Variants in DDX60 observed in about 807,000 individuals in gnomAD.
DDX60 encodes probable ATP-dependent RNA helicase DDX60.
A neutral mutation model predicts 212.8 loss-of-function variants in DDX60; 165 were observed. That is an observed-to-expected ratio of 0.78 (90% CI 0.68 to 0.88). The LOEUF (loss-of-function observed/expected upper bound fraction) is 0.88, where lower values mean the gene tolerates loss of function less well. DDX60 is among the 40% of genes least tolerant of loss of function. DDX60 has a pLI of 0.00. For synonymous variants in DDX60, 703 were observed against 685.3 expected, an observed-to-expected ratio of 1.03 and a Z score of -0.40; for missense variants, 1,905 against 2,003.9, an observed-to-expected ratio of 0.95 and a Z score of 0.94.
chr4:168,251,736 A>C lies in DDX60; in HGVS notation c.3706-630T>G, dbSNP rs142751771. ...AAAATGATGATCGAAATACATGGTT[A>C]TAAAAAATAAGACACCATGAAGCTT... On this transcript the variant is annotated intron_variant, in intron 27 of 37. Transcript: ENST00000393743. 2.3e-3 allele frequency among the ~76,000 whole-genome samples: 345 copies of C among 152,340 alleles called. 1 individual carries two copies. The highest frequency in any genetic ancestry group is 7.4e-3 in the African/African-American group (307 of 41,594).
At chr4:168,275,051 A>G (rs1579034314) in intron 16 of DDX60, among the ~76,000 whole-genome samples, 1 of 152,242 alleles carries the variant, frequency 6.6e-6, no homozygotes, top group South Asian at 2.1e-4. Flanking sequence ...CTATTGACAC[A>G]CGGAAAACCT....
intron 14 of DDX60, among the ~76,000 whole-genome samples, chr4:168,279,141 C>T (rs1395114023): frequency 6.6e-6 from 1 of 152,186 alleles, no homozygotes; most frequent in African/African-American, 2.4e-5. Context: ...AAGACATACA[C>T]TCTCAAAAAC....
At chr4:168,279,212 A>G (rs28481413) in intron 14 of DDX60, among the ~76,000 whole-genome samples, 1 of 152,078 alleles carries the variant, frequency 6.6e-6, no homozygotes, top group African/African-American at 2.4e-5. Context: ...AATGACAGCC[A>G]ACATTTTTAT....
At chr4:168,270,798 A>G (rs1454203962) in intron 19 of DDX60, among the ~76,000 whole-genome samples, 3 of 152,040 alleles carry the variant, frequency 2.0e-5, no homozygotes, top group African/African-American at 7.2e-5. Context: ...GTAAAATTCC[A>G]CAGAGTCAAA....
At chr4:168,217,786 C>T (rs548104203) in intron 37 of DDX60, among the ~76,000 whole-genome samples, 254 of 152,124 alleles carry the variant, frequency 1.7e-3, no homozygotes, top group African/African-American at 5.6e-3. Flanking sequence ...CAAGGAATGC[C>T]GGCAGCCTCT....
chr4:168,232,899 A>T (rs188952480), intron 33 of DDX60, among the ~76,000 whole-genome samples: 65 of 152,242 alleles, frequency 4.3e-4, no homozygotes, highest in Non-Finnish European at 7.5e-4. Flanking sequence ...CAGCAAAAGA[A>T]ATAATCAGCA....
intron 34 of DDX60, among the ~76,000 whole-genome samples, chr4:168,224,728 C>A (rs1405402681): frequency 1.3e-5 from 2 of 151,896 alleles, no homozygotes; most frequent in African/African-American, 2.4e-5. Flanking sequence ...CTCAGAATTG[C>A]CTTCAGAATC....
At chr4:168,284,387 T>C (rs1579048371) in intron 12 of DDX60, among the ~76,000 whole-genome samples, 2 of 152,286 alleles carry the variant, frequency 1.3e-5, no homozygotes, top group Non-Finnish European at 1.5e-5. Flanking sequence ...TCTCTGTTGA[T>C]CCACTGTTAG....
chr4:168,305,720 T>G (rs998791163), intron 5 of DDX60, among the ~76,000 whole-genome samples: 1 of 151,412 alleles, frequency 6.6e-6, no homozygotes, highest in Admixed American at 6.6e-5. Context: ...TTCAATACAA[T>G]AATTGTCAAA....
In DDX60 at chr4:168,272,095, G is replaced by T. The variant is rs765697042; in HGVS notation, c.2618C>A (p.Ala873Asp). The T allele has an allele frequency of 6.3e-7, 1 of 1,587,030 alleles. No homozygotes were observed. The change falls in exon 19 of 38, where the codon GCT (alanine) becomes GAT (aspartate). Residue 873 changes from alanine to aspartate, a missense_variant. Transcript: ENST00000393743. ...VPACFEILLL[A>D]PHRQNWVKKI... Reference sequence around the variant, plus strand: ...TTTCACCCAGTTTTGGCGATGAGGAGCAAGCAGCAGAATTTCAAAGCAGGC... The same window carrying T: ...TTTCACCCAGTTTTGGCGATGAGGATCAAGCAGCAGAATTTCAAAGCAGGC...
chr4:168,294,801 C>A (rs942478991), intron 6 of DDX60, among the ~76,000 whole-genome samples: 1 of 151,416 alleles, frequency 6.6e-6, no homozygotes, highest in African/African-American at 2.4e-5. Context: ...CGCGCCCAGC[C>A]AAACTATACA....
In DDX60 at chr4:168,280,453, T is replaced by C. The variant is rs754786556; in HGVS notation, c.1860A>G (p.Ile620Met). Residue 620 changes from isoleucine to methionine, a missense_variant, in exon 14 of 38, where the codon ATA becomes ATG. Physicochemically the swap from Ile to Met is conservative, Grantham distance 10 (BLOSUM62 1). Transcript: ENST00000393743. The stretch of plus-strand genomic sequence containing the variant: ...ATTTCAAAAAATCTTCCAGGCTCTT[T>C]ATTCCAGAGTGTAAATTTTCTTTCA... ...EQLKENLHSG[I>M]KSLEDFLKSC... The C allele has an allele frequency of 3.7e-5, 60 of 1,614,084 alleles. No homozygotes were observed. The highest frequency in any genetic ancestry group is 5.1e-5 in the Non-Finnish European group (60 of 1,180,028).
chr4:168,228,596 A>G (rs1487948445), intron 33 of DDX60, among the ~76,000 whole-genome samples: 1 of 152,122 alleles, frequency 6.6e-6, no homozygotes, highest in East Asian at 1.9e-4. Flanking sequence ...CCAAAATTTT[A>G]AAACATTTAA....
intron 32 of DDX60, 54 bp downstream of exon 32, chr4:168,237,232 T>A: frequency 8.1e-7 from 1 of 1,232,972 alleles, no homozygotes; most frequent in Non-Finnish European, 1.1e-6. Flanking sequence ...TCTACAAATC[T>A]GTTGCTATTT....
At chr4:168,288,475 T>C (rs1186775266) in intron 8 of DDX60, among the ~76,000 whole-genome samples, 160 bp from the exon 9 acceptor site, 1 of 152,174 alleles carries the variant, frequency 6.6e-6, no homozygotes, top group Non-Finnish European at 1.5e-5. Context: ...CTTTACACCT[T>C]AAGGAATTAA....
chr4:168,222,686 C>G (rs1402298184), intron 35 of DDX60, among the ~76,000 whole-genome samples: 1 of 152,048 alleles, frequency 6.6e-6, no homozygotes, highest in Non-Finnish European at 1.5e-5. Context: ...TTTGGCACAG[C>G]TACTTTTTAA....
At chr4:168,262,620 G>C in intron 23 of DDX60, 63 bp downstream of exon 23, 2 of 1,092,064 alleles carry the variant, frequency 1.8e-6, no homozygotes, top group Non-Finnish European at 2.7e-6. Flanking sequence ...TGATTAGAAA[G>C]GGTGAGAGTT....
At chr4:168,290,533 G>A (rs1736047930) in intron 8 of DDX60, among the ~76,000 whole-genome samples, 2 of 151,782 alleles carry the variant, frequency 1.3e-5, no homozygotes, top group Admixed American at 1.3e-4. Flanking sequence ...TAGAGACGGG[G>A]TTTCACCATG....
chr4:168,220,676 G>T lies in DDX60; in HGVS notation c.5018C>A (p.Ala1673Glu). ...GDAYYLLKDF[A>E]LTIKSISVSL... The stretch of plus-strand genomic sequence containing the variant: ...ACACCTGATAGATTTAATGGTGAGT[G>T]CAAAATCCTTCAACAAATAATAAGC... Residue 1673 changes from alanine to glutamate, a missense_variant, in exon 37 of 38, where the codon GCA becomes GAA. Physicochemically the swap from Ala to Glu is moderately radical, Grantham distance 107 (BLOSUM62 -1). Coordinates refer to ENST00000393743, the MANE Select transcript of DDX60 (RefSeq NM_017631.6). The T allele has an allele frequency of 6.8e-7, 1 of 1,462,640 alleles. No individual in the cohort carries two copies. The highest frequency in any genetic ancestry group is 9.1e-7 in the Non-Finnish European group (1 of 1,102,348). 90.6% of individuals were successfully genotyped at this position (1,462,640 alleles called of 1,614,324 possible).
Sources: allele counts gnomAD v4.1 joint callset (sites outside exome capture counted in the v4.1 genomes callset), GRCh38; gene constraint gnomAD v4.1.1; transcripts MANE v1.5; gene names NCBI Gene and HGNC (gene_info 2026-07-23, HGNC 2026-07-21).